Variants in CUL2 observed in about 807,000 individuals in gnomAD.
CUL2 encodes the protein cullin-2.
A neutral mutation model predicts 110.2 loss-of-function variants in CUL2; 22 were observed. That is an observed-to-expected ratio of 0.20 (90% CI 0.14 to 0.28). The LOEUF (loss-of-function observed/expected upper bound fraction) is 0.28, where lower values mean the gene tolerates loss of function less well. Among genes scored for constraint, CUL2 ranks in the 10% least tolerant of loss-of-function variants. The pLI, the probability that CUL2 is intolerant of heterozygous loss-of-function variation, is 1.00. For synonymous variants in CUL2, 279 were observed against 293.2 expected, an observed-to-expected ratio of 0.95 and a Z score of 0.49; for missense variants, 631 against 905.5, an observed-to-expected ratio of 0.70 and a Z score of 3.89.
chr10:35,086,164 A>C (rs12773146), intron 1 of CUL2, among the ~76,000 whole-genome samples: 20,644 of 151,420 alleles, frequency 0.14, 1,581 homozygotes, highest in South Asian at 0.21. Flanking sequence ...GAGCCCCTGC[A>C]CTCCAGACTG....
At chr10:35,121,604 A>T (rs906993052) in intron 1 of CUL2, among the ~76,000 whole-genome samples, 3 of 152,224 alleles carry the variant, frequency 2.0e-5, no homozygotes, top group Non-Finnish European at 2.9e-5. Context: ...CCCTTTTCCA[A>T]TATGAAATAT....
chr10:35,047,815 G>A (rs538423849), intron 6 of CUL2, among the ~76,000 whole-genome samples: 1 of 152,038 alleles, frequency 6.6e-6, no homozygotes, highest in African/African-American at 2.4e-5. Context: ...TGAGGCAGGA[G>A]AATTGCTTGA....
chr10:35,047,112 A>C (rs893337687), intron 6 of CUL2, among the ~76,000 whole-genome samples: 8 of 152,208 alleles, frequency 5.3e-5, no homozygotes, highest in African/African-American at 1.9e-4. Flanking sequence ...TAATATGCTG[A>C]CTAAATTACT....
rs1304365752 is a variant in CUL2 at position 35,025,120 on chromosome 10, A to T, written c.1684+12T>A. On this transcript the variant is annotated intron_variant, in intron 17 of 20. Transcript: ENST00000374749. The stretch of plus-strand genomic sequence containing the variant: ...AATTTCATTAAGCCAGATATAATTA[A>T]ATGCATTTTACCTGTACACAGATAA... 1 of 1,491,406 alleles carries T rather than the reference A, an allele frequency of 6.7e-7. No individual in the cohort carries two copies. The highest frequency in any genetic ancestry group is 8.9e-7 in the Non-Finnish European group (1 of 1,123,644). The allele number at this position is 1,491,406 out of a possible 1,614,324, so 92.4% of individuals were successfully genotyped here.
chr10:35,096,892 C>T (rs2087307150), intron 2 of CUL2, among the ~76,000 whole-genome samples: 1 of 151,406 alleles, frequency 6.6e-6, no homozygotes, highest in African/African-American at 2.4e-5. Flanking sequence ...TCACTGCAAC[C>T]TCTGCCTCCT....
Position 35,035,162 on chromosome 10 carries a change from C to T in CUL2, c.1002+10G>A, listed in dbSNP as rs2085587880. ...AGGAGGAAAACATTGCAGTTTCCCA[C>T]ACAACTCACGTTTTCCTGAGTAAGG... On this transcript the variant is annotated intron_variant, in intron 10 of 20. Coordinates refer to ENST00000374749, the MANE Select transcript of CUL2 (RefSeq NM_003591.4). 6.2e-7 allele frequency: 1 copy of T among 1,614,142 alleles called. No homozygotes were observed. Among genetic ancestry groups the T allele is most frequent in the Non-Finnish European group, 8.5e-7 (1 of 1,179,996 alleles).
chr10:35,029,685 A>G (rs768818014), intron 14 of CUL2, 45 bp from the exon 15 acceptor site: 13 of 1,392,304 alleles, frequency 9.3e-6, no homozygotes, highest in Admixed American at 6.9e-5. Flanking sequence ...AAGAAAAATA[A>G]TAAGTCATAT....
chr10:35,104,513 T>G (rs1033229925), intron 1 of CUL2, among the ~76,000 whole-genome samples: 5 of 152,250 alleles, frequency 3.3e-5, no homozygotes, highest in Non-Finnish European at 7.4e-5. Flanking sequence ...TCTATTTATT[T>G]TGATTGCCTA....
At chr10:35,049,838 T>C in intron 5 of CUL2, 73 bp from the exon 6 acceptor site, 1 of 944,890 alleles carries the variant, frequency 1.1e-6, no homozygotes, top group Non-Finnish European at 1.7e-6. Context: ...AGGTTTTTTT[T>C]AACTAAAAAT....
At chr10:35,015,403 T>TCAGCAATAGACA (rs2085001102) in intron 18 of CUL2, among the ~76,000 whole-genome samples, 1 of 152,210 alleles carries the variant, frequency 6.6e-6, no homozygotes, top group South Asian at 2.1e-4. Flanking sequence ...CTTTTACAGT[T>TCAGCAATAGACA]GTTCAGTTAT....
At chr10:35,048,727 C>T (rs983538406) in intron 6 of CUL2, among the ~76,000 whole-genome samples, 1 of 152,164 alleles carries the variant, frequency 6.6e-6, no homozygotes, top group African/African-American at 2.4e-5. Flanking sequence ...ATCACTCAAA[C>T]GGTCAGTGAC....
chr10:35,091,596 T>C (rs1180353609), upstream of CUL2, among the ~76,000 whole-genome samples: 1 of 152,074 alleles, frequency 6.6e-6, no homozygotes, highest in African/African-American at 2.4e-5. Context: ...TAACAACTAG[T>C]TTGTTAACAA....
chr10:35,020,150 G>T (rs2085146046), intron 17 of CUL2, among the ~76,000 whole-genome samples: 1 of 148,888 alleles, frequency 6.7e-6, no homozygotes, highest in Non-Finnish European at 1.5e-5. Flanking sequence ...AACATACAAG[G>T]AATAGAAAAC....
At chr10:35,061,101 CAT>C (rs2086369457) in intron 3 of CUL2, 133 bp from the exon 4 acceptor site, 2 of 933,836 alleles carry the variant, frequency 2.1e-6, no homozygotes, top group South Asian at 3.6e-5. Flanking sequence ...TTACACAACA[CAT>C]ATTAACTACA....
rs947010386 is a variant in CUL2 at position 35,031,970 on chromosome 10, T to C, written c.1171-351A>G. ...AAATTTTTAAAAAGAACAAGTCAAA[T>C]ATCAAATCATCACTTATTGACCAAT... On this transcript the variant is annotated intron_variant, in intron 12 of 20. Coordinates refer to ENST00000374749, the MANE Select transcript of CUL2 (RefSeq NM_003591.4). The surrounding 1 kb of genome is among the most constrained non-coding windows in gnomAD (Gnocchi z 4.4). 6.6e-6 allele frequency among the ~76,000 whole-genome samples: 1 copy of C among 152,164 alleles called. No individual in the cohort carries two copies. The highest frequency in any genetic ancestry group is 1.5e-5 in the Non-Finnish European group (1 of 68,016).
chr10:35,107,533 G>A (rs911955252), intron 1 of CUL2, among the ~76,000 whole-genome samples: 2 of 152,116 alleles, frequency 1.3e-5, no homozygotes, highest in Non-Finnish European at 2.9e-5. Context: ...TTAATGTCAT[G>A]TGAATTTTGT....
intron 3 of CUL2, among the ~76,000 whole-genome samples, chr10:35,062,555 A>G (rs1401482892): frequency 6.6e-6 from 1 of 152,016 alleles, no homozygotes; most frequent in East Asian, 1.9e-4. Context: ...TAATATGTAT[A>G]TATTTTTAAA....
At chr10:35,120,790 G>A (rs1321488013) in intron 1 of CUL2, among the ~76,000 whole-genome samples, 1 of 151,950 alleles carries the variant, frequency 6.6e-6, no homozygotes, top group African/African-American at 2.4e-5. Flanking sequence ...CAGCTACTCG[G>A]GAGGCTGTAG....
At chr10:35,044,918 G>A (rs753978296) in intron 6 of CUL2, 50 bp from the exon 7 acceptor site, 2 of 1,412,306 alleles carry the variant, frequency 1.4e-6, no homozygotes, top group South Asian at 2.4e-5. Flanking sequence ...AATTATCTAT[G>A]GAAATATACC....
Sources: allele counts gnomAD v4.1 joint callset (sites outside exome capture counted in the v4.1 genomes callset), GRCh38; gene constraint gnomAD v4.1.1; non-coding constraint Gnocchi (gnomAD v3.1); transcripts MANE v1.5; gene names NCBI Gene and HGNC (gene_info 2026-07-23, HGNC 2026-07-21).